Variants in GATM observed in about 807,000 individuals in gnomAD.
GATM encodes glycine amidinotransferase, mitochondrial.
A neutral mutation model predicts 54.2 loss-of-function variants in GATM; 23 were observed. The observed-to-expected ratio is 0.42, with a 90% confidence interval of 0.31 to 0.60. The LOEUF (loss-of-function observed/expected upper bound fraction) is 0.60, where lower values mean the gene tolerates loss of function less well. GATM is among the 20% of genes least tolerant of loss of function. GATM has a pLI of 0.14. For synonymous variants in GATM, 168 were observed against 183.1 expected (o/e 0.92, Z 0.67); for missense variants, 401 against 544.9 (o/e 0.74, Z 2.63).
chr15:45,383,966 A>G (rs1171834304), intron 3 of GATM, among the ~76,000 whole-genome samples: 1 of 152,214 alleles, frequency 6.6e-6, no homozygotes, highest in Non-Finnish European at 1.5e-5. Flanking sequence ...AGGTATTCTT[A>G]TAATATTTTT....
chr15:45,376,730 G>A lies in GATM; in HGVS notation c.159C>T (p.Asp53=), dbSNP rs2140657387. Residue 53 remains aspartate, a synonymous_variant, in exon 2 of 9, where the codon GAC becomes GAT. Transcript: ENST00000396659. ...TGGGCAGAGGCTCAGTGGCTTTGTC[G>A]TCAGCTGCACAGGAGTTCCGGGAGG... ...TASSRNSCAA[D]DKATEPLPKD... is the part of the protein sequence containing the mutation. 2.5e-6 allele frequency: 4 copies of A among 1,614,194 alleles called. No homozygotes were observed. The highest frequency in any genetic ancestry group is 3.4e-6 in the Non-Finnish European group (4 of 1,180,032).
intron 3 of GATM, among the ~76,000 whole-genome samples, chr15:45,383,620 A>G (rs1889771666): frequency 6.6e-6 from 1 of 151,348 alleles, no homozygotes; most frequent in African/African-American, 2.4e-5. Flanking sequence ...AATTTAATGT[A>G]GTCTCACTCT....
intron 1 of GATM, chr15:45,377,544 A>T: frequency 3.1e-6 from 1 of 322,932 alleles, no homozygotes. Context: ...TGCATGGCCT[A>T]TAAAATCTAG....
chr15:45,376,967 A>C (rs997836228), intron 1 of GATM, 148 bp from the exon 2 acceptor site: 2 of 726,858 alleles, frequency 2.8e-6, no homozygotes, highest in African/African-American at 3.5e-5. Context: ...AACAGTGTGT[A>C]GGTGGGTAGT....
Position 45,363,099 on chromosome 15 carries a change from C to G in GATM, c.1159+801G>C, listed in dbSNP as rs552587739. 2.6e-5 allele frequency among the ~76,000 whole-genome samples: 4 copies of G among 152,156 alleles called. No homozygotes were observed. The South Asian group carries it at 8.3e-4, about 32-fold the overall frequency. On this transcript the variant is annotated intron_variant, in intron 8 of 8. Coordinates refer to ENST00000396659, the MANE Select transcript of GATM (RefSeq NM_001482.3). ...GGAGTTCGAGACCAGCCTGGCCAAG[C>G]CCCTCTCTACTAAAAATACAAAATT...
Position 45,361,948 on chromosome 15 carries a change from TC to T in GATM, c.*160del, listed in dbSNP as rs1889372067. ...CCTAGCAGAAGTTATTTTCTTTATG[TC>T]AAAGAAAAGTAATAGAAGCAAACCA... On this transcript the variant is annotated 3_prime_UTR_variant, in exon 9 of 9. Coordinates refer to ENST00000396659, the MANE Select transcript of GATM (RefSeq NM_001482.3). 1.5e-6 allele frequency: 1 copy of T among 645,222 alleles called. No individual in the cohort carries two copies. Among genetic ancestry groups the T allele is most frequent in the Admixed American group, 2.5e-5 (1 of 39,906 alleles). The allele number at this position is 645,222 out of a possible 1,614,324, so 40.0% of individuals were successfully genotyped here.
At position 45,371,544 on chromosome 15, in the gene GATM, T is replaced by C. The variant is rs76666260; in HGVS notation, c.289-2023A>G. Among the ~76,000 whole-genome samples, 1,105 of 152,348 alleles carry C rather than the reference T, an allele frequency of 7.3e-3. 7 individuals are homozygous for C. The highest frequency in any genetic ancestry group is 0.012 in the Admixed American group (182 of 15,308). On this transcript the variant is annotated intron_variant, in intron 2 of 8. Coordinates refer to ENST00000396659, the MANE Select transcript of GATM (RefSeq NM_001482.3). ...TGTGTCACAGTGTGTCTACTTTAGC[T>C]GGATATTCTCATTTGGTTTCCCAGC...
chr15:45,393,636 C>T, intron 3 of GATM, among the ~76,000 whole-genome samples: 1 of 152,160 alleles, frequency 6.6e-6, no homozygotes. Context: ...CAATGAACAT[C>T]ATACAGGTTG....
rs753393267 is a variant in GATM, at chr15:45,366,236, T to G, written c.814-26A>C. ...CTGAAAACAAAAGAAAGACATACGA[T>G]CGATAAATATTTGGTTCTATGTCTA... is the stretch of plus-strand genomic sequence containing the variant. On this transcript the variant is annotated intron_variant, in intron 5 of 8. Transcript: ENST00000396659. 1.9e-6 allele frequency: 3 copies of G among 1,613,402 alleles called. No homozygotes were observed. In the African/African-American group the frequency reaches 4.0e-5, roughly 22 times the overall value.
chr15:45,363,828 G>A (rs1178341545), intron 8 of GATM, 72 bp downstream of exon 8: 1 of 897,840 alleles, frequency 1.1e-6, no homozygotes, highest in Non-Finnish European at 1.9e-6. Flanking sequence ...ATCAAACCTA[G>A]CATGTCATTT....
Position 45,362,212 on chromosome 15 carries a change from G to C in GATM, c.1169C>G (p.Thr390Ser). The C allele has an allele frequency of 6.3e-7, 1 of 1,598,392 alleles. No homozygotes were observed. Among genetic ancestry groups the C allele is most frequent in the Non-Finnish European group, 8.6e-7 (1 of 1,165,754 alleles). ...QKMFEKLGIT[T>S]IKVNIRNANS... ...GGCATTACGAATGTTAACTTTAATG[G>C]TAGTGATACCTGCATTGAAAGAGAG... Residue 390 changes from threonine (T) to serine (S), a missense_variant, in exon 9 of 9, where the codon ACC becomes AGC. Thr to Ser is a moderately conservative substitution (Grantham distance 58, BLOSUM62 1). This residue lies in a region of GATM where 321 missense variants were observed against 457.5 expected (regional missense o/e 0.70). Transcript: ENST00000396659.
At chr15:45,390,835 G>T (rs558677452) in intron 3 of GATM, among the ~76,000 whole-genome samples, 28 of 152,048 alleles carry the variant, frequency 1.8e-4, no homozygotes, top group Non-Finnish European at 3.2e-4. Flanking sequence ...ACTATGAGAA[G>T]TCTTTCACAT....
chr15:45,378,739 T>G (rs573702762), upstream of GATM: 2 of 349,424 alleles, frequency 5.7e-6, no homozygotes, highest in African/African-American at 2.2e-5. Context: ...CACTGACGGC[T>G]TCTGTTGCAC....
intron 3 of GATM, among the ~76,000 whole-genome samples, chr15:45,388,140 C>T (rs915385998): frequency 2.6e-5 from 4 of 152,170 alleles, no homozygotes; most frequent in African/African-American, 9.7e-5. Context: ...GCGTGAGGTA[C>T]TATACCAGAC....
chr15:45,381,900 A>AG (rs1889745345), upstream of GATM, among the ~76,000 whole-genome samples: 1 of 152,232 alleles, frequency 6.6e-6, no homozygotes, highest in South Asian at 2.1e-4. Context: ...TATATTTGGA[A>AG]GGATACACAG....
Position 45,366,173 on chromosome 15 carries a change from T to C in GATM, c.851A>G (p.His284Arg), listed in dbSNP as rs1326523381. 2 of 1,614,022 alleles carry C rather than the reference T, an allele frequency of 1.2e-6. No homozygotes were observed. Residue 284 changes from histidine (H) to arginine (R), a missense_variant, in exon 6 of 9, where the codon CAT becomes CGT. By Grantham distance (29) the His-to-Arg change is conservative. This residue lies in a region of GATM where 321 missense variants were observed against 457.5 expected (regional missense o/e 0.70). Coordinates refer to ENST00000396659, the MANE Select transcript of GATM (RefSeq NM_001482.3). The stretch of plus-strand genomic sequence containing the variant: ...ATGCACTCTGTAGTCTGGAGCAAGA[T>C]GCCTACGCATCCATTCAATGCCTAG... ...NYLGIEWMRR[H>R]LAPDYRVHII...
rs192074787 is a variant in GATM at position 45,364,049 on chromosome 15, G to A, written c.1043-33C>T. ...CAGCAACAACTGTTAAACCATGTCC[G>A]CTATCATTTTTGTTTAAAGCAAGGA... On this transcript the variant is annotated intron_variant, in intron 7 of 8. Coordinates refer to ENST00000396659, the MANE Select transcript of GATM (RefSeq NM_001482.3). 305 of 1,254,210 alleles carry A rather than the reference G, an allele frequency of 2.4e-4. No homozygotes were observed. The African/African-American group carries it at 4.1e-3, about 17-fold the overall frequency. The allele number at this position is 1,254,210 out of a possible 1,614,324, so 77.7% of individuals were successfully genotyped here.
chr15:45,364,708 G>T, intron 7 of GATM, 89 bp downstream of exon 7: 1 of 1,140,380 alleles, frequency 8.8e-7, no homozygotes, highest in Non-Finnish European at 1.3e-6. Flanking sequence ...TCTCTAAGCT[G>T]CTAACATTTG....
Position 45,368,296 on chromosome 15 carries a change from G to A in GATM, c.485-36C>T, listed in dbSNP as rs1889482336. ...AAAAAATTCCATGACAACTTCAGTA[G>A]TGTTAATTTCCAAGACAAAAAAGGT... is the stretch of plus-strand genomic sequence containing the variant. On this transcript the variant is annotated intron_variant, in intron 3 of 8. Coordinates refer to ENST00000396659, the MANE Select transcript of GATM (RefSeq NM_001482.3). This position sits in a 1 kb window ranked among gnomAD's most constrained non-coding sequence, Gnocchi z 5.1. The A allele has an allele frequency of 6.3e-7, 1 of 1,592,534 alleles. No homozygotes were observed. Among genetic ancestry groups the A allele is most frequent in the Non-Finnish European group, 8.6e-7 (1 of 1,162,742 alleles).
Sources: gnomAD v4.1 joint callset for allele counts (sites outside exome capture counted in the v4.1 genomes callset) on GRCh38, gnomAD v4.1.1 for gene constraint, gnomAD v4.1.1 regional missense constraint, Gnocchi (gnomAD v3.1) non-coding constraint, MANE v1.5 for transcripts, NCBI Gene and HGNC (gene_info 2026-07-23, HGNC 2026-07-21) for gene names.